TANC1: variants seen among roughly 807,000 people sequenced by gnomAD.
TANC1 encodes protein TANC1.
In TANC1, 77 loss-of-function variants were observed where a neutral mutation model predicts 149.7. That is an observed-to-expected ratio of 0.51 (90% CI 0.43 to 0.62). TANC1 has a LOEUF of 0.62. TANC1 is among the 20% of genes least tolerant of loss of function. The pLI, the probability that TANC1 is intolerant of heterozygous loss-of-function variation, is 0.00. For synonymous variants in TANC1, 854 were observed against 925.0 expected (o/e 0.92, Z 1.39); for missense variants, 1,985 against 2,321.8 (o/e 0.85, Z 2.98).
intron 17 of TANC1, among the ~76,000 whole-genome samples, chr2:159,195,622 C>T (rs2057784546): frequency 1.3e-5 from 2 of 152,180 alleles, no homozygotes; most frequent in South Asian, 4.1e-4. Context: ...TTATTTTTTT[C>T]TCTCAAATCC....
At chr2:159,111,486 G>A (rs565425914) in intron 4 of TANC1, among the ~76,000 whole-genome samples, 1 of 152,330 alleles carries the variant, frequency 6.6e-6, no homozygotes, top group African/African-American at 2.4e-5. Context: ...CAGACATGCT[G>A]TCTCTTGATG....
In TANC1 at chr2:159,201,222, G is replaced by T. The variant is rs533716105; in HGVS notation, c.3244+2169G>T. Among the ~76,000 whole-genome samples, 3 of 152,254 alleles carry T rather than the reference G, an allele frequency of 2.0e-5. No individual in the cohort carries two copies. The South Asian group carries it at 6.2e-4, about 32-fold the overall frequency. ...CTTTCCAGGCCTGCATTTGTCAGAGGAATACCCTGAAATCTTGCAGGGGGT... is the reference window on the plus strand; with the variant it reads ...CTTTCCAGGCCTGCATTTGTCAGAGTAATACCCTGAAATCTTGCAGGGGGT... On this transcript the variant is annotated intron_variant, in intron 19 of 26. Transcript: ENST00000263635.
chr2:159,192,338 G>A (rs923808795), intron 16 of TANC1, among the ~76,000 whole-genome samples: 25 of 152,000 alleles, frequency 1.6e-4, no homozygotes, highest in East Asian at 3.9e-4. Flanking sequence ...TTATAGAGAC[G>A]GGGTCTTGCC....
At chr2:159,008,702 A>G (rs1300417080) in intron 2 of TANC1, among the ~76,000 whole-genome samples, 1 of 152,338 alleles carries the variant, frequency 6.6e-6, no homozygotes, top group Non-Finnish European at 1.5e-5. Flanking sequence ...TACTGCATAT[A>G]TCAAATAATT....
chr2:159,005,651 A>C (rs2037090287), intron 2 of TANC1, among the ~76,000 whole-genome samples: 1 of 151,842 alleles, frequency 6.6e-6, no homozygotes, highest in Admixed American at 6.5e-5. Flanking sequence ...ATTAAAAATA[A>C]ATATAATTTT....
At chr2:159,109,268 C>T (rs1048422018) in intron 4 of TANC1, among the ~76,000 whole-genome samples, 6 of 152,298 alleles carry the variant, frequency 3.9e-5, no homozygotes, top group African/African-American at 1.4e-4. Context: ...ATTCATGTCC[C>T]GGCTCTGTAG....
rs2042133949 is a variant in TANC1 at position 159,060,086 on chromosome 2, T to C, written c.-15-5810T>C. 3.3e-5 allele frequency: 32 copies of C among 974,716 alleles called. No individual in the cohort carries two copies. In the South Asian group the frequency reaches 1.4e-3, roughly 43 times the overall value. 60.4% of individuals were successfully genotyped at this position (974,716 alleles called of 1,614,324 possible). A position where few individuals can be genotyped will look rare whatever the true frequency, so the allele number is the denominator to read the frequency against. The stretch of plus-strand genomic sequence containing the variant: ...ATATGAAGAACAGTTCTAAAGGTGT[T>C]ATACAGAAGGCATGACTGTTAGTTA... On this transcript the variant is annotated intron_variant, in intron 2 of 26. Transcript: ENST00000263635.
At chr2:159,184,653 G>A (rs1450893584) in intron 14 of TANC1, among the ~76,000 whole-genome samples, 1 of 152,124 alleles carries the variant, frequency 6.6e-6, no homozygotes, top group African/African-American at 2.4e-5. Context: ...AGGCCTTGGG[G>A]GCCTAGAGCA....
At chr2:159,184,141 A>G (rs4665035) in intron 14 of TANC1, among the ~76,000 whole-genome samples, 149,972 of 152,360 alleles carry the variant, frequency 0.98, 73,846 homozygotes, top group East Asian at 1. Flanking sequence ...GTTTCTTCAT[A>G]TAAGCATATG....
chr2:158,974,899 A>AT (rs1223932329), intron 1 of TANC1, among the ~76,000 whole-genome samples: 9 of 142,996 alleles, frequency 6.3e-5, no homozygotes, highest in African/African-American at 2.4e-4. Flanking sequence ...CACCCAGCTA[A>AT]TTTTTGTATT....
Position 159,219,700 on chromosome 2 carries a change from C to T in TANC1, c.3511C>T (p.Leu1171Phe). The stretch of plus-strand genomic sequence containing the variant: ...ATGGGCTTTCCTTTCAGGTGCAGCC[C>T]TTTCTTCTCTAGACAAAGAGGGTCT... The part of the protein sequence containing the change: ...VEFLLSKGAA[L>F]SSLDKEGLSA... The change falls in exon 22 of 27, where the codon CTT becomes TTT. Residue 1171 changes from leucine (L) to phenylalanine (F), a missense_variant. Transcript: ENST00000263635. 2 of 1,614,192 alleles carry T rather than the reference C, an allele frequency of 1.2e-6. No individual in the cohort carries two copies. The highest frequency in any genetic ancestry group is 1.6e-4 in the Middle Eastern group (1 of 6,062).
chr2:158,993,527 A>AT (rs1409230480), intron 1 of TANC1, among the ~76,000 whole-genome samples: 3 of 151,678 alleles, frequency 2.0e-5, no homozygotes, highest in East Asian at 1.9e-4. Flanking sequence ...TTTATTTTTT[A>AT]TTTTTTTTAA....
chr2:159,057,453 C>G (rs1659956567), intron 2 of TANC1, among the ~76,000 whole-genome samples: 1 of 152,184 alleles, frequency 6.6e-6, no homozygotes, highest in Non-Finnish European at 1.5e-5. Flanking sequence ...TGAAAACCTG[C>G]AATTGCTAAC....
chr2:159,207,568 C>T (rs1249997462), intron 19 of TANC1, among the ~76,000 whole-genome samples: 5 of 151,918 alleles, frequency 3.3e-5, no homozygotes, highest in African/African-American at 1.2e-4. Context: ...GGCGTGGTGG[C>T]GGGTACCTGT....
chr2:159,127,498 G>A (rs1559309401), intron 4 of TANC1, among the ~76,000 whole-genome samples: 2 of 152,182 alleles, frequency 1.3e-5, no homozygotes, highest in African/African-American at 2.4e-5. Context: ...CTGTAAAGAC[G>A]TGCACACGTA....
At chr2:159,168,867 G>C (rs2054884334) in intron 8 of TANC1, among the ~76,000 whole-genome samples, 1 of 152,062 alleles carries the variant, frequency 6.6e-6, no homozygotes. Flanking sequence ...ACAGCAGAAA[G>C]CTCCCCAGAG....
chr2:159,178,432 T>G, intron 13 of TANC1, 124 bp from the exon 14 acceptor site: 59 of 1,130,334 alleles, frequency 5.2e-5, no homozygotes, highest in Non-Finnish European at 6.8e-5. Flanking sequence ...TACAAAACAA[T>G]GAGTCCCTGT....
intron 4 of TANC1, among the ~76,000 whole-genome samples, chr2:159,105,310 A>T (rs2047071743): frequency 1.3e-5 from 2 of 151,872 alleles, no homozygotes; most frequent in African/African-American, 2.4e-5. Flanking sequence ...TTACTTTTTA[A>T]AAAAATTAGC....
At position 159,185,774 on chromosome 2, in the gene TANC1, T is replaced by C. The variant is rs1343697094; in HGVS notation, c.2511-17T>C. ...AATGGGCTCTTCTGCTGTGAGCCTTTGTATTCCTTCCCCTAGGAACGGGCA... is the reference window on the plus strand; with the variant it reads ...AATGGGCTCTTCTGCTGTGAGCCTTCGTATTCCTTCCCCTAGGAACGGGCA... On this transcript the variant is annotated splice_polypyrimidine_tract_variant and intron_variant, in intron 14 of 26. Transcript: ENST00000263635. 1 of 1,599,650 alleles carries C rather than the reference T, an allele frequency of 6.3e-7. No homozygotes were observed. The highest frequency in any genetic ancestry group is 8.6e-7 in the Non-Finnish European group (1 of 1,168,252).
Sources: allele counts gnomAD v4.1 joint callset (sites outside exome capture counted in the v4.1 genomes callset), GRCh38; gene constraint gnomAD v4.1.1; transcripts MANE v1.5; gene names NCBI Gene and HGNC (gene_info 2026-07-23, HGNC 2026-07-21).